ADGRA2: variants seen among roughly 807,000 people sequenced by gnomAD.
The protein encoded by ADGRA2 is adhesion G protein-coupled receptor A2.
A neutral mutation model predicts 98.7 loss-of-function variants in ADGRA2; 61 were observed. The ratio of observed to expected loss-of-function variants is 0.62; its 90% CI spans 0.50 to 0.76. The LOEUF is 0.76. ADGRA2 is among the 30% of genes least tolerant of loss of function. ADGRA2 has a pLI of 0.00. For synonymous variants in ADGRA2, 858 were observed against 831.5 expected (o/e 1.03, Z -0.55); for missense variants, 1,712 against 1,860.0 (o/e 0.92, Z 1.46).
intron 2 of ADGRA2, among the ~76,000 whole-genome samples, chr8:37,816,359 G>A (rs528202817): frequency 8.5e-4 from 129 of 152,056 alleles, no homozygotes; most frequent in African/African-American, 2.9e-3. Context: ...TTGGGAGGCC[G>A]AGGCGGGTGG....
chr8:37,811,370 C>T (rs1030221949), intron 1 of ADGRA2, among the ~76,000 whole-genome samples: 22 of 149,750 alleles, frequency 1.5e-4, no homozygotes, highest in Admixed American at 2.0e-4. Context: ...TGGAGTTTCA[C>T]CATGTTGGCC....
Position 37,844,756 on chromosome 8 carries a change from CCT to C in ADGRA2, c.*2402_*2403del, listed in dbSNP as rs755039771. The C allele has an allele frequency of 4.4e-5, 71 of 1,613,954 alleles. No individual in the cohort carries two copies. The highest frequency in any genetic ancestry group is 3.1e-4 in the South Asian group (28 of 91,086). ...TTTCCCACCTCCCCTTCTCCTTGCC[CCT>C]GTCCCCACCCCGGTGGCTCCTTCTC... On this transcript the variant is annotated 3_prime_UTR_variant, in exon 19 of 19. Transcript: ENST00000412232.
rs368184891 is a variant in ADGRA2, at chr8:37,829,952, C to G, written c.656C>G (p.Ala219Gly). The change falls in exon 6 of 19, where the codon GCT (alanine) becomes GGT (glycine). Residue 219 changes from alanine (A) to glycine (G), a missense_variant. Transcript: ENST00000412232. ...SLQLSEHTLC[A>G]YPSALHAQAL... ...CAGCTGTCGGAACACACGCTCTGTG[C>G]TTACCCCAGTGCCCTGCATGCTCAG... 5.0e-6 allele frequency: 8 copies of G among 1,609,786 alleles called. No homozygotes were observed. In the South Asian group the frequency reaches 6.6e-5, roughly 13 times the overall value.
chr8:37,823,990 T>G (rs1184465579), intron 2 of ADGRA2, among the ~76,000 whole-genome samples: 1 of 152,088 alleles, frequency 6.6e-6, no homozygotes, highest in African/African-American at 2.4e-5. Context: ...TTTTCTCTCA[T>G]TCTGTGGTTC....
Position 37,837,773 on chromosome 8 carries a change from C to A in ADGRA2, c.2093C>A (p.Ser698Ter). ...AACCTGACAGAGCCAGTGGCCGTTT[C>A]GCTGCGGCACTGGGCTGAGGGAGCC... is the stretch of plus-strand genomic sequence containing the variant. Reference protein sequence around the residue: ...VGNLTEPVAVSLRHWAEGAEP... With the variant: ...VGNLTEPVAV The change falls in exon 14 of 19, where the codon TCG becomes TAG. Residue 698 changes from serine (S) to a stop codon, truncating the protein, a stop_gained. Coordinates refer to ENST00000412232, the MANE Select transcript of ADGRA2 (RefSeq NM_032777.10). LOFTEE classifies it high-confidence loss of function. The A allele has an allele frequency of 6.4e-7, 1 of 1,552,366 alleles. No individual in the cohort carries two copies. The highest frequency in any genetic ancestry group is 8.7e-7 in the Non-Finnish European group (1 of 1,147,998).
At chr8:37,806,830 T>G (rs1804685471) in intron 1 of ADGRA2, among the ~76,000 whole-genome samples, 1 of 152,104 alleles carries the variant, frequency 6.6e-6, no homozygotes, top group African/African-American at 2.4e-5. Flanking sequence ...GCGCCCGGCA[T>G]GTAGCCCATT....
At chr8:37,821,378 G>A (rs1234563672) in intron 2 of ADGRA2, among the ~76,000 whole-genome samples, 1 of 152,204 alleles carries the variant, frequency 6.6e-6, no homozygotes, top group Non-Finnish European at 1.5e-5. Flanking sequence ...CCAGTTGCTA[G>A]ATGTTACCCT....
chr8:37,813,093 C>T (rs1804884638), intron 1 of ADGRA2, among the ~76,000 whole-genome samples: 1 of 152,086 alleles, frequency 6.6e-6, no homozygotes, highest in Non-Finnish European at 1.5e-5. Flanking sequence ...ACCTGCCAGG[C>T]ATGATGGCTC....
intron 2 of ADGRA2, among the ~76,000 whole-genome samples, chr8:37,826,188 T>G (rs979012550): frequency 6.6e-6 from 1 of 152,054 alleles, no homozygotes; most frequent in African/African-American, 2.4e-5. Context: ...AGTGACACAA[T>G]GAGGAATGTG....
In ADGRA2 at chr8:37,797,633, C is replaced by T. The variant is rs1389187744; in HGVS notation, c.266+99C>T. 47 of 1,112,676 alleles carry T rather than the reference C, an allele frequency of 4.2e-5. No homozygotes were observed. The highest frequency in any genetic ancestry group is 5.2e-5 in the Non-Finnish European group (45 of 859,224). 68.9% of individuals were successfully genotyped at this position (1,112,676 alleles called of 1,614,324 possible). On this transcript the variant is annotated intron_variant, in intron 1 of 18. Coordinates refer to ENST00000412232, the MANE Select transcript of ADGRA2 (RefSeq NM_032777.10). The surrounding 1 kb of genome is among the most constrained non-coding windows in gnomAD (Gnocchi z 5.3). ...AGCAGGGGGAAGGGGGCTATCCCCC[C>T]ACTTCAGAGATTTCTGGACAGGCCT...
intron 1 of ADGRA2, among the ~76,000 whole-genome samples, chr8:37,810,584 A>G (rs1395948654): frequency 6.6e-6 from 1 of 151,938 alleles, no homozygotes; most frequent in Non-Finnish European, 1.5e-5. Context: ...TGCAGCCTCA[A>G]ACTCCTGGGC....
rs1805412290 is a variant in ADGRA2 at position 37,830,142 on chromosome 8, G to A, written c.718+128G>A. The A allele has an allele frequency of 8.7e-6, 5 of 573,244 alleles. No homozygotes were observed. Among genetic ancestry groups the A allele is most frequent in the South Asian group, 4.9e-5 (2 of 40,880 alleles). 35.5% of individuals were successfully genotyped at this position (573,244 alleles called of 1,614,324 possible). On this transcript the variant is annotated intron_variant, in intron 6 of 18. Coordinates refer to ENST00000412232, the MANE Select transcript of ADGRA2 (RefSeq NM_032777.10). This position sits in a 1 kb window ranked among gnomAD's most constrained non-coding sequence, Gnocchi z 4.8. ...TGTATTGCAATTTGCAAAAGACCAC[G>A]ACACTGAGTCCTGCTCTTGCATTTA...
intron 2 of ADGRA2, among the ~76,000 whole-genome samples, chr8:37,821,883 C>G (rs537916929): frequency 6.6e-6 from 1 of 152,160 alleles, no homozygotes; most frequent in Admixed American, 6.5e-5. Flanking sequence ...GCTTGCCCAA[C>G]GCCAGGTGGC....
intron 5 of ADGRA2, 113 bp from the exon 6 acceptor site, chr8:37,829,738 C>A: frequency 1.8e-6 from 2 of 1,120,616 alleles, no homozygotes; most frequent in South Asian, 2.8e-5. Flanking sequence ...TGCACATAGA[C>A]CCGATTTTGC....
Position 37,839,606 on chromosome 8 carries a change from A to G in ADGRA2, c.2495A>G (p.Gln832Arg), listed in dbSNP as rs139902661. ...GGGGGCATCACACTCACCAACTACC[A>G]GATGGTCTGCCAGGCGGTAAGCAGG... ...FAGGITLTNY[Q>R]MVCQAVGITL... Residue 832 changes from glutamine to arginine, a missense_variant, in exon 16 of 19, where the codon CAG becomes CGG. Coordinates refer to ENST00000412232, the MANE Select transcript of ADGRA2 (RefSeq NM_032777.10). The G allele has an allele frequency of 3.8e-4, 610 of 1,613,846 alleles. No homozygotes were observed. The highest frequency in any genetic ancestry group is 5.1e-4 in the Non-Finnish European group (596 of 1,179,964).
At chr8:37,832,970 G>C in intron 8 of ADGRA2, 40 bp from the exon 9 acceptor site, 1 of 1,515,544 alleles carries the variant, frequency 6.6e-7, no homozygotes, top group Non-Finnish European at 9.1e-7. Flanking sequence ...GTTGTTCTGA[G>C]AAGCCCGGTT....
At chr8:37,803,589 C>T (rs1804569126) in intron 1 of ADGRA2, among the ~76,000 whole-genome samples, 3 of 152,194 alleles carry the variant, frequency 2.0e-5, no homozygotes, top group South Asian at 2.1e-4. Flanking sequence ...CCTCCAGGGG[C>T]CCCCATCCTT....
intron 15 of ADGRA2, 146 bp from the exon 16 acceptor site, chr8:37,839,353 T>G: frequency 1.4e-6 from 2 of 1,437,998 alleles, no homozygotes; most frequent in Non-Finnish European, 1.9e-6. Context: ...GGTTAAGGAC[T>G]CCCTACCCTA....
chr8:37,818,452 T>C (rs1379348905), intron 2 of ADGRA2, among the ~76,000 whole-genome samples: 3 of 152,236 alleles, frequency 2.0e-5, no homozygotes, highest in Non-Finnish European at 2.9e-5. Context: ...GCATAGCAAG[T>C]GCACCCTGAG....
Sources: gnomAD v4.1 joint callset for allele counts (sites outside exome capture counted in the v4.1 genomes callset) on GRCh38, gnomAD v4.1.1 for gene constraint, Gnocchi (gnomAD v3.1) non-coding constraint, MANE v1.5 for transcripts, NCBI Gene and HGNC (gene_info 2026-07-23, HGNC 2026-07-21) for gene names.